GCNT1: variants seen among roughly 807,000 people sequenced by gnomAD.
GCNT1 encodes beta-1,3-galactosyl-O-glycosyl-glycoprotein beta-1,6-N-acetylglucosaminyltransferase.
In GCNT1, 16 loss-of-function variants were observed where a neutral mutation model predicts 26.2. The ratio of observed to expected loss-of-function variants is 0.61; its 90% CI spans 0.41 to 0.93. The LOEUF is 0.93. Among genes scored for constraint, GCNT1 ranks in the 40% least tolerant of loss-of-function variants. GCNT1 has a pLI of 0.00. For synonymous variants in GCNT1, 183 were observed against 190.8 expected (o/e 0.96, Z 0.34); for missense variants, 477 against 526.7 (o/e 0.91, Z 0.92).
intron 1 of GCNT1, among the ~76,000 whole-genome samples, chr9:76,447,686 C>T (rs899492407): frequency 3.3e-5 from 5 of 152,158 alleles, no homozygotes; most frequent in Non-Finnish European, 4.4e-5. Context: ...CCACACTTCA[C>T]GCAATATTTA....
chr9:76,503,266 T>C lies in GCNT1; in HGVS notation c.885T>C (p.Tyr295=). ...GSAYFVVSRE[Y]VGYVLQNEKI... The stretch of plus-strand genomic sequence containing the variant: ...CCTACTTCGTGGTCAGTAGGGAGTA[T>C]GTGGGGTATGTACTACAGAATGAAA... Residue 295 remains tyrosine, a synonymous_variant, in exon 4 of 4, where the codon TAT becomes TAC. Coordinates refer to ENST00000376730, the MANE Select transcript of GCNT1 (RefSeq NM_001490.5). The C allele has an allele frequency of 6.2e-7, 1 of 1,614,070 alleles. No homozygotes were observed. Among genetic ancestry groups the C allele is most frequent in the Non-Finnish European group, 8.5e-7 (1 of 1,179,994 alleles).
At chr9:76,465,707 A>G (rs759311103) in intron 2 of GCNT1, among the ~76,000 whole-genome samples, 1 of 152,246 alleles carries the variant, frequency 6.6e-6, no homozygotes, top group Non-Finnish European at 1.5e-5. Context: ...TCACCCAGTG[A>G]TGGCGTAGCA....
At chr9:76,400,138 A>G in the GCNT1 span, among the ~76,000 whole-genome samples, 1 of 152,224 alleles carries the variant, frequency 6.6e-6, no homozygotes, top group Non-Finnish European at 1.5e-5. Context: ...ACTATTCTGT[A>G]TGATACTGTC....
intron 1 of GCNT1, among the ~76,000 whole-genome samples, chr9:76,449,808 G>C (rs1352008146): frequency 1.3e-5 from 2 of 152,122 alleles, no homozygotes; most frequent in East Asian, 1.9e-4. Flanking sequence ...TTTTGAGACA[G>C]AGTCTCACCC....
At chr9:76,495,782 A>G (rs997161778) in intron 2 of GCNT1, among the ~76,000 whole-genome samples, 25 of 152,242 alleles carry the variant, frequency 1.6e-4, no homozygotes, top group African/African-American at 5.5e-4. Flanking sequence ...GTCATATAGC[A>G]GAAGAAAATG....
upstream of GCNT1, among the ~76,000 whole-genome samples, chr9:76,456,607 C>T (rs1286889699): frequency 6.6e-6 from 1 of 152,208 alleles, no homozygotes; most frequent in Admixed American, 6.5e-5. Context: ...CTGACTGATA[C>T]ACCCCTAAGC....
At position 76,481,293 on chromosome 9, in the gene GCNT1, G is replaced by A. The variant is rs137923685; in HGVS notation, c.-289-19623G>A. ...TAGGAATGGAGAAAAGGAAATTCCTGTACCCCTTCTGCTTGATCAAGACTT... is the reference window on the plus strand; with the variant it reads ...TAGGAATGGAGAAAAGGAAATTCCTATACCCCTTCTGCTTGATCAAGACTT... On this transcript the variant is annotated intron_variant, in intron 2 of 3. Coordinates refer to ENST00000376730, the MANE Select transcript of GCNT1 (RefSeq NM_001490.5). Among the ~76,000 whole-genome samples, 3 of 151,880 alleles carry A rather than the reference G, an allele frequency of 2.0e-5. No homozygotes were observed. In the East Asian group the frequency reaches 5.8e-4, roughly 29 times the overall value.
chr9:76,469,405 A>G (rs143851447), intron 2 of GCNT1, among the ~76,000 whole-genome samples: 10,520 of 152,212 alleles, frequency 0.069, 460 homozygotes, highest in African/African-American at 0.12. Context: ...GAGGTAAAGA[A>G]ATAGCCAATC....
chr9:76,428,277 A>AAAAAAAAAAAAAAAAAAAAAAAC (rs1823284574), intron 1 of GCNT1, among the ~76,000 whole-genome samples: 1 of 141,480 alleles, frequency 7.1e-6, no homozygotes, highest in African/African-American at 2.7e-5. Flanking sequence ...AAAAAAAAAA[A>AAAAAAAAAAAAAAAAAAAAAAAC]AAAAAAAAAA....
the GCNT1 span, among the ~76,000 whole-genome samples, chr9:76,409,633 A>G: frequency 1.3e-5 from 2 of 151,886 alleles, no homozygotes; most frequent in African/African-American, 2.4e-5. Context: ...TTTAGTAGAG[A>G]CGGAGTTTCA....
At chr9:76,448,652 CT>C (rs1324986740) in intron 1 of GCNT1, among the ~76,000 whole-genome samples, 1 of 151,922 alleles carries the variant, frequency 6.6e-6, no homozygotes, top group Non-Finnish European at 1.5e-5. Flanking sequence ...AACTGCTCTC[CT>C]TTCTGTCACT....
At chr9:76,418,971 C>T (rs1432160183), upstream of GCNT1, among the ~76,000 whole-genome samples, 1 of 152,068 alleles carries the variant, frequency 6.6e-6, no homozygotes. Context: ...CAGAGAAGAG[C>T]CTCATCCTGT....
At chr9:76,465,546 A>G (rs1639362454) in intron 2 of GCNT1, among the ~76,000 whole-genome samples, 1 of 152,218 alleles carries the variant, frequency 6.6e-6, no homozygotes, top group Non-Finnish European at 1.5e-5. Context: ...GTGTGGACCA[A>G]TTAGAAAAAA....
the GCNT1 span, among the ~76,000 whole-genome samples, chr9:76,397,182 T>C: frequency 6.6e-6 from 1 of 152,112 alleles, no homozygotes; most frequent in Non-Finnish European, 1.5e-5. Flanking sequence ...CTCGGGAGAC[T>C]GGGGCGGAAG....
At chr9:76,476,057 T>G (rs1824246870) in intron 2 of GCNT1, among the ~76,000 whole-genome samples, 1 of 152,200 alleles carries the variant, frequency 6.6e-6, no homozygotes, top group Admixed American at 6.5e-5. Flanking sequence ...GAGACAGTGC[T>G]TTTTATTTTT....
the GCNT1 span, chr9:76,394,332 C>A: frequency 1.7e-6 from 1 of 583,236 alleles, no homozygotes; most frequent in Non-Finnish European, 2.8e-6. Context: ...CCACAGGCCA[C>A]TGCGAATCCC....
chr9:76,435,162 G>C (rs549166133), intron 1 of GCNT1, among the ~76,000 whole-genome samples: 1 of 152,070 alleles, frequency 6.6e-6, no homozygotes, highest in South Asian at 2.1e-4. Flanking sequence ...TGTGATCTTT[G>C]TGAGCTACTC....
At chr9:76,445,294 A>G (rs1291882822) in intron 1 of GCNT1, among the ~76,000 whole-genome samples, 1 of 152,164 alleles carries the variant, frequency 6.6e-6, no homozygotes, top group Non-Finnish European at 1.5e-5. Flanking sequence ...ATATAGACAC[A>G]TGTATCTCTC....
intron 1 of GCNT1, among the ~76,000 whole-genome samples, chr9:76,432,454 C>T (rs1823348993): frequency 6.6e-6 from 1 of 151,634 alleles, no homozygotes; most frequent in Non-Finnish European, 1.5e-5. Context: ...GCGGTCCCAC[C>T]TCAGCCTCCA....
Sources: gnomAD v4.1 joint callset for allele counts (sites outside exome capture counted in the v4.1 genomes callset) on GRCh38, gnomAD v4.1.1 for gene constraint, MANE v1.5 for transcripts, NCBI Gene and HGNC (gene_info 2026-07-23, HGNC 2026-07-21) for gene names.